Variants in RNF38 observed in about 807,000 individuals in gnomAD.
RNF38 encodes the protein E3 ubiquitin-protein ligase RNF38.
A neutral mutation model predicts 67.2 loss-of-function variants in RNF38; 15 were observed. The observed-to-expected ratio is 0.22, with a 90% CI of 0.15 to 0.34. The LOEUF is 0.34. Among genes scored for constraint, RNF38 ranks in the 10% least tolerant of loss-of-function variants. The pLI is 1.00. For missense variants in RNF38, 524 were observed against 639.9 expected (o/e 0.82, Z 1.95); for synonymous variants, 220 against 218.8 (o/e 1.01, Z -0.05).
chr9:36,450,003 T>C (rs1016336184), intron 1 of RNF38, among the ~76,000 whole-genome samples: 3 of 152,232 alleles, frequency 2.0e-5, no homozygotes, highest in African/African-American at 7.2e-5. Context: ...CACTATTGAA[T>C]TCCCTCATGT....
intron 4 of RNF38, among the ~76,000 whole-genome samples, chr9:36,366,862 T>C (rs1164786364): frequency 1.3e-5 from 2 of 152,180 alleles, no homozygotes; most frequent in Admixed American, 1.3e-4. Context: ...TGAAAAATTA[T>C]TGGGGGAACT....
rs755159788 is a variant in RNF38, at chr9:36,461,221, AAAAC to A, written n.241+26083_241+26086del. Reference sequence around the variant, plus strand: ...GGCAACAAGAGCAAAACTCCATCTCAAAACAAACAAACAAACAAACAAAAACTCT... The same window carrying A: ...GGCAACAAGAGCAAAACTCCATCTCAAAACAAACAAACAAACAAAAACTCT... On this transcript the variant is annotated intron_variant and non_coding_transcript_variant, in intron 1 of 3. Transcript: ENST00000488058. Among the ~76,000 whole-genome samples, 39 of 152,338 alleles carry A rather than the reference AAAAC, an allele frequency of 2.6e-4. 1 individual carries two copies. The East Asian group carries it at 4.2e-3, about 17-fold the overall frequency.
At chr9:36,372,375 G>A (rs1223910957) in intron 3 of RNF38, 1 of 567,212 alleles carries the variant, frequency 1.8e-6, no homozygotes, top group African/African-American at 1.9e-5. Flanking sequence ...GTTTCTTGAA[G>A]TTTATTGTTA....
At chr9:36,448,780 G>A (rs991182403) in intron 1 of RNF38, among the ~76,000 whole-genome samples, 3 of 152,004 alleles carry the variant, frequency 2.0e-5, no homozygotes, top group Admixed American at 1.3e-4. Context: ...GAGGCGGGCG[G>A]ACTGCCTGAG....
chr9:36,412,856 T>C (rs12378953), intron 2 of RNF38, among the ~76,000 whole-genome samples: 28,393 of 152,088 alleles, frequency 0.19, 3,221 homozygotes, highest in Non-Finnish European at 0.26. Context: ...GTGGATCACC[T>C]GAGGTCGGGA....
intron 2 of RNF38, among the ~76,000 whole-genome samples, chr9:36,406,927 C>A (rs1011009629): frequency 2.6e-5 from 4 of 152,044 alleles, no homozygotes; most frequent in African/African-American, 9.7e-5. Flanking sequence ...TTTGAGAGGC[C>A]AAGGCGGGCA....
At chr9:36,466,865 C>T (rs1475322266) in intron 1 of RNF38, among the ~76,000 whole-genome samples, 1 of 151,590 alleles carries the variant, frequency 6.6e-6, no homozygotes, top group African/African-American at 2.4e-5. Flanking sequence ...ATAATGTCTA[C>T]TTATAAAAAA....
upstream of RNF38, among the ~76,000 whole-genome samples, chr9:36,403,522 C>G (rs1336360984): frequency 6.6e-6 from 1 of 152,142 alleles, no homozygotes; most frequent in Non-Finnish European, 1.5e-5. Flanking sequence ...GACTCTGAGG[C>G]TCCCTTTAAA....
At chr9:36,418,489 C>T (rs978428141) in intron 2 of RNF38, among the ~76,000 whole-genome samples, 2 of 139,208 alleles carry the variant, frequency 1.4e-5, no homozygotes, top group South Asian at 2.4e-4. Context: ...CCCATCTCTA[C>T]GAAAAAAAAA....
intron 2 of RNF38, among the ~76,000 whole-genome samples, chr9:36,388,571 C>G (rs1360658603): frequency 6.6e-6 from 1 of 152,104 alleles, no homozygotes; most frequent in Non-Finnish European, 1.5e-5. Flanking sequence ...TGTAGCAACA[C>G]ATTTTTTCTC....
At chr9:36,392,022 T>G (rs1669037530) in intron 1 of RNF38, among the ~76,000 whole-genome samples, 2 of 152,212 alleles carry the variant, frequency 1.3e-5, no homozygotes, top group South Asian at 4.1e-4. Flanking sequence ...GAGAAGTAGC[T>G]GCCAAGAGAC....
chr9:36,484,375 C>A (rs961983371), intron 1 of RNF38, among the ~76,000 whole-genome samples: 8 of 152,144 alleles, frequency 5.3e-5, no homozygotes, highest in African/African-American at 1.7e-4. Context: ...TAACAGGCTG[C>A]GCTAGGCTGG....
intron 1 of RNF38, among the ~76,000 whole-genome samples, chr9:36,457,930 G>C (rs1839630903): frequency 1.3e-5 from 2 of 152,140 alleles, no homozygotes; most frequent in South Asian, 4.1e-4. Flanking sequence ...GTGCATTTGT[G>C]CATGTGTTAG....
At chr9:36,401,004 C>T (rs889808400), upstream of RNF38, 2 of 984,154 alleles carry the variant, frequency 2.0e-6, no homozygotes, top group Non-Finnish European at 2.4e-6. Context: ...CGCGCGCAGG[C>T]GACTCCCCTC....
intron 4 of RNF38, 138 bp from the exon 5 acceptor site, chr9:36,358,080 C>G: frequency 1.5e-6 from 1 of 646,710 alleles, no homozygotes; most frequent in East Asian, 2.7e-5. Context: ...TAGTTTCGAC[C>G]AGAATATTCA....
intron 1 of RNF38, among the ~76,000 whole-genome samples, chr9:36,471,555 A>G (rs924646187): frequency 3.3e-5 from 5 of 152,186 alleles, no homozygotes; most frequent in African/African-American, 1.2e-4. Flanking sequence ...CGGTAATCCC[A>G]GCTACTCCAG....
chr9:36,459,651 T>C (rs1458129786), intron 1 of RNF38, among the ~76,000 whole-genome samples: 8 of 152,202 alleles, frequency 5.3e-5, no homozygotes, highest in Admixed American at 3.3e-4. Context: ...CATCACAGGC[T>C]ACATAAAATA....
At chr9:36,459,899 G>A (rs770571344) in intron 1 of RNF38, among the ~76,000 whole-genome samples, 2 of 151,532 alleles carry the variant, frequency 1.3e-5, no homozygotes, top group Non-Finnish European at 2.9e-5. Flanking sequence ...ACTCTGTGGC[G>A]ATTAGTAACA....
At chr9:36,459,683 T>A (rs886726545) in intron 1 of RNF38, among the ~76,000 whole-genome samples, 2 of 152,176 alleles carry the variant, frequency 1.3e-5, no homozygotes, top group African/African-American at 2.4e-5. Context: ...TATTGTATAG[T>A]GCTTACAAAG....
Sources: allele counts gnomAD v4.1 joint callset (sites outside exome capture counted in the v4.1 genomes callset), GRCh38; gene constraint gnomAD v4.1.1; transcripts MANE v1.5; gene names NCBI Gene and HGNC (gene_info 2026-07-23, HGNC 2026-07-21).